PRKCI: variants seen among roughly 807,000 people sequenced by gnomAD.
The protein encoded by PRKCI is protein kinase C iota type.
PRKCI carries 43 observed loss-of-function variants against 84.0 expected under a neutral mutation model. That is an observed-to-expected ratio of 0.51 (90% CI 0.40 to 0.66). The LOEUF is 0.66. Among genes scored for constraint, PRKCI ranks in the 30% least tolerant of loss-of-function variants. The pLI is 0.00. For missense variants in PRKCI, 459 were observed against 745.6 expected, an observed-to-expected ratio of 0.62 and a Z score of 4.48; for synonymous variants, 216 against 234.4, an observed-to-expected ratio of 0.92 and a Z score of 0.72.
intron 4 of PRKCI, among the ~76,000 whole-genome samples, 180 bp downstream of exon 4, chr3:170,263,609 C>T (rs898043758): frequency 6.6e-6 from 1 of 151,924 alleles, no homozygotes; most frequent in African/African-American, 2.4e-5. Context: ...CAAGACCAGC[C>T]TGGGCAACAA....
Position 170,304,308 on chromosome 3 carries a change from T to A in PRKCI, c.*1181T>A, listed in dbSNP as rs1469636828. 3 of 152,242 alleles carry A rather than the reference T, an allele frequency of 2.0e-5. No homozygotes were observed. The highest frequency in any genetic ancestry group is 4.4e-5 in the Non-Finnish European group (3 of 68,044). The allele number at this position is 152,242 out of a possible 1,614,324, so 9.4% of individuals were successfully genotyped here. A position where few individuals can be genotyped will look rare whatever the true frequency, so the allele number is the denominator to read the frequency against. ...CCTATTGGAGAGTGAATCCCCACAG[T>A]TGCTTTTTGTGACTTGATTCAAATG... is the stretch of plus-strand genomic sequence containing the variant. On this transcript the variant is annotated 3_prime_UTR_variant, in exon 18 of 18. Coordinates refer to ENST00000295797, the MANE Select transcript of PRKCI (RefSeq NM_002740.6).
intron 8 of PRKCI, among the ~76,000 whole-genome samples, chr3:170,275,879 A>G (rs1460953565): frequency 2.7e-5 from 4 of 146,274 alleles, no homozygotes; most frequent in African/African-American, 5.0e-5. Flanking sequence ...ATTTTTGTGT[A>G]TTTCTGGACA....
In PRKCI at chr3:170,270,543, G is replaced by T. The variant is rs1733976197; in HGVS notation, c.573G>T (p.Gly191=). 1 of 1,611,238 alleles carries T rather than the reference G, an allele frequency of 6.2e-7. No homozygotes were observed. The highest frequency in any genetic ancestry group is 1.1e-5 in the South Asian group (1 of 90,798). Residue 191 remains glycine (G), a synonymous_variant, in exon 6 of 18, where the codon GGG becomes GGT. Transcript: ENST00000295797. ...ATAAACTCGTCACAATTGAATGTGG[G>T]CGGCATTCTTTGCCACAGGTAAGAT... ...KCHKLVTIEC[G]RHSLPQEPVM... is the part of the protein sequence containing the mutation.
chr3:170,228,557 A>C (rs1392014210), intron 1 of PRKCI, among the ~76,000 whole-genome samples: 1 of 152,006 alleles, frequency 6.6e-6, no homozygotes, highest in East Asian at 1.9e-4. Context: ...CCTGGGCAAC[A>C]GAGTGAGACC....
rs573000386 is a variant in PRKCI, at chr3:170,247,617, C to G, written c.223+12266C>G. Among the ~76,000 whole-genome samples, 66 of 148,598 alleles carry G rather than the reference C, an allele frequency of 4.4e-4. 1 individual carries two copies. The highest frequency in any genetic ancestry group is 7.5e-5 in the African/African-American group (3 of 40,254). On this transcript the variant is annotated intron_variant, in intron 2 of 17. Transcript: ENST00000295797. ...TGGTGGTGCATGCCTGCAATCCCAA[C>G]TATTTGGGAGGCTGAGGCAGAAGAA...
intron 2 of PRKCI, among the ~76,000 whole-genome samples, chr3:170,254,824 A>G (rs1056923873): frequency 6.6e-6 from 1 of 152,132 alleles, no homozygotes; most frequent in Non-Finnish European, 1.5e-5. Context: ...GTGGTTCCAT[A>G]TAAATTTACA....
At chr3:170,245,607 C>G (rs1228173538) in intron 2 of PRKCI, among the ~76,000 whole-genome samples, 1 of 152,136 alleles carries the variant, frequency 6.6e-6, no homozygotes, top group Non-Finnish European at 1.5e-5. Context: ...CTTCCTCTCC[C>G]TCATAGACCA....
At chr3:170,230,772 GA>G (rs1294971356) in intron 1 of PRKCI, among the ~76,000 whole-genome samples, 1 of 151,968 alleles carries the variant, frequency 6.6e-6, no homozygotes, top group Non-Finnish European at 1.5e-5. Flanking sequence ...TTTCACCACT[GA>G]TTTGAAATGG....
intron 2 of PRKCI, among the ~76,000 whole-genome samples, chr3:170,240,014 T>C (rs1733085860): frequency 6.6e-6 from 1 of 152,102 alleles, no homozygotes; most frequent in African/African-American, 2.4e-5. Context: ...TTTTTTTAGT[T>C]AGCTGGGCAT....
intron 3 of PRKCI, among the ~76,000 whole-genome samples, 190 bp downstream of exon 3, chr3:170,260,248 CTG>C (rs1395038536): frequency 2.0e-5 from 3 of 152,096 alleles, no homozygotes; most frequent in Admixed American, 6.6e-5. Flanking sequence ...TGCTTATAGT[CTG>C]GGGAATTTTG....
intron 4 of PRKCI, among the ~76,000 whole-genome samples, chr3:170,265,284 T>C (rs2108851123): frequency 6.6e-6 from 1 of 152,124 alleles, no homozygotes; most frequent in South Asian, 2.1e-4. Context: ...GCTCTTCAGG[T>C]GATTCTGATG....
At chr3:170,222,981 C>G (rs2108831411) in intron 1 of PRKCI, among the ~76,000 whole-genome samples, 1 of 151,852 alleles carries the variant, frequency 6.6e-6, no homozygotes, top group South Asian at 2.1e-4. Flanking sequence ...TATGGCGGTG[C>G]GGGGAGCCGA....
intron 16 of PRKCI, among the ~76,000 whole-genome samples, chr3:170,298,773 T>C (rs1482608561): frequency 2.6e-5 from 4 of 152,198 alleles, no homozygotes; most frequent in Non-Finnish European, 1.5e-5. Flanking sequence ...ACTCCTGGCC[T>C]CAAGTGATCC....
At chr3:170,254,686 T>G (rs570524383) in intron 2 of PRKCI, among the ~76,000 whole-genome samples, 1 of 152,316 alleles carries the variant, frequency 6.6e-6, no homozygotes, top group South Asian at 2.1e-4. Context: ...GGTTTATGTG[T>G]CTGTTTTTAT....
At position 170,222,525 on chromosome 3, in the gene PRKCI, T is replaced by C. The variant is rs1732512227; in HGVS notation, c.-145T>C. On this transcript the variant is annotated 5_prime_UTR_variant, in exon 1 of 18. Coordinates refer to ENST00000295797, the MANE Select transcript of PRKCI (RefSeq NM_002740.6). ...CCGGCTGCTCCGGCGAGGCGACCCT[T>C]GGGTCGGCGCTGCGGGCGAGGTGGG... 2 of 671,798 alleles carry C rather than the reference T, an allele frequency of 3.0e-6. No homozygotes were observed. The highest frequency in any genetic ancestry group is 4.6e-6 in the Non-Finnish European group (2 of 437,976). 41.6% of individuals were successfully genotyped at this position (671,798 alleles called of 1,614,324 possible). A position where few individuals can be genotyped will look rare whatever the true frequency, so the allele number is the denominator to read the frequency against.
At chr3:170,289,889 G>A (rs553415574) in intron 12 of PRKCI, among the ~76,000 whole-genome samples, 7 of 151,254 alleles carry the variant, frequency 4.6e-5, no homozygotes, top group Admixed American at 4.6e-4. Context: ...TCCAGCCTGG[G>A]TAACGAGCGA....
chr3:170,267,722 AAT>A (rs1317803509), intron 4 of PRKCI, among the ~76,000 whole-genome samples, 191 bp from the exon 5 acceptor site: 4 of 151,650 alleles, frequency 2.6e-5, no homozygotes, highest in Non-Finnish European at 4.4e-5. Flanking sequence ...GTAGTAGTCA[AAT>A]ATTTATACTC....
intron 3 of PRKCI, 49 bp from the exon 4 acceptor site, chr3:170,263,330 T>G (rs1442973823): frequency 6.8e-7 from 1 of 1,461,222 alleles, no homozygotes; most frequent in East Asian, 2.3e-5. Context: ...CTGTGTAATT[T>G]GTATGTTTTA....
intron 12 of PRKCI, chr3:170,291,509 C>G (rs1734550311): frequency 4.9e-6 from 1 of 204,442 alleles, no homozygotes. Context: ...CCAGCCTGGC[C>G]AACATGGTGA....
Sources: allele counts gnomAD v4.1 joint callset (sites outside exome capture counted in the v4.1 genomes callset), GRCh38; gene constraint gnomAD v4.1.1; transcripts MANE v1.5; gene names NCBI Gene and HGNC (gene_info 2026-07-23, HGNC 2026-07-21).